The following DENND1A variants were observed in gnomAD, a reference collection of about 807,000 sequenced individuals.
DENND1A encodes DENN domain-containing protein 1A.
DENND1A carries 51 observed loss-of-function variants against 113.7 expected under a neutral mutation model. The ratio of observed to expected loss-of-function variants is 0.45; its 90% CI spans 0.36 to 0.57. DENND1A has a LOEUF of 0.57. Among genes scored for constraint, DENND1A ranks in the 20% least tolerant of loss-of-function variants. The pLI is 0.00. For synonymous variants in DENND1A, 565 were observed against 570.8 expected, an observed-to-expected ratio of 0.99 and a Z score of 0.14; for missense variants, 1,258 against 1,395.9, an observed-to-expected ratio of 0.90 and a Z score of 1.57.
At chr9:123,849,095 T>A (rs1306790122) in intron 2 of DENND1A, among the ~76,000 whole-genome samples, 1 of 152,220 alleles carries the variant, frequency 6.6e-6, no homozygotes, top group Admixed American at 6.5e-5. Flanking sequence ...AGATCATTGA[T>A]AAAGGTGGCT....
chr9:123,521,886 G>C (rs1402261711), intron 13 of DENND1A, among the ~76,000 whole-genome samples: 1 of 152,202 alleles, frequency 6.6e-6, no homozygotes, highest in Admixed American at 6.5e-5. Context: ...ACTGCCCAGT[G>C]AATCTGTGTA....
chr9:123,450,211 C>T (rs1030399159), intron 18 of DENND1A, among the ~76,000 whole-genome samples: 10 of 152,246 alleles, frequency 6.6e-5, no homozygotes, highest in African/African-American at 1.9e-4. Flanking sequence ...TCCCCCAGGG[C>T]GAGGTAAGCC....
intron 20 of DENND1A, among the ~76,000 whole-genome samples, chr9:123,410,701 T>G (rs2044237900): frequency 1.3e-5 from 2 of 152,186 alleles, no homozygotes. Flanking sequence ...CCTGGTCACC[T>G]GCAGGCCCCG....
chr9:123,464,632 A>T (rs2048787496), intron 13 of DENND1A, among the ~76,000 whole-genome samples: 1 of 152,152 alleles, frequency 6.6e-6, no homozygotes, highest in East Asian at 1.9e-4. Flanking sequence ...TCGCCAGACA[A>T]AAAAACTTCT....
Position 123,380,794 on chromosome 9 carries a change from G to A in DENND1A, c.*638C>T, listed in dbSNP as rs2042235156. The A allele has an allele frequency of 6.5e-6, 1 of 152,822 alleles. No homozygotes were observed. Among genetic ancestry groups the A allele is most frequent in the Admixed American group, 6.5e-5 (1 of 15,308 alleles). The allele number at this position is 152,822 out of a possible 1,614,324, so 9.5% of individuals were successfully genotyped here. A position where few individuals can be genotyped will look rare whatever the true frequency, so the allele number is the denominator to read the frequency against. On this transcript the variant is annotated 3_prime_UTR_variant, in exon 24 of 24. Coordinates refer to ENST00000394215, the MANE Select transcript of DENND1A (RefSeq NM_001352964.2). ...GGCTGTGTATCACAAGGCAGCCCAAGACCCCCTGGTCCCCAGATCCTCCCA... is the reference window on the plus strand; with the variant it reads ...GGCTGTGTATCACAAGGCAGCCCAAAACCCCCTGGTCCCCAGATCCTCCCA...
intron 2 of DENND1A, among the ~76,000 whole-genome samples, chr9:123,816,127 A>G (rs1313447980): frequency 6.6e-6 from 1 of 150,530 alleles, no homozygotes; most frequent in African/African-American, 2.5e-5. Flanking sequence ...TAGCCTCCTG[A>G]GTAGCTGGGG....
intron 13 of DENND1A, among the ~76,000 whole-genome samples, chr9:123,494,683 T>C: frequency 6.6e-6 from 1 of 152,236 alleles, no homozygotes; most frequent in South Asian, 2.1e-4. Flanking sequence ...AAGTGCCTAC[T>C]CTGCCTAGAA....
chr9:123,508,506 C>A (rs1445745996), intron 13 of DENND1A, among the ~76,000 whole-genome samples: 1 of 152,146 alleles, frequency 6.6e-6, no homozygotes, highest in Non-Finnish European at 1.5e-5. Context: ...TGATGATAAT[C>A]ACTTTTCTTT....
chr9:123,615,656 G>A (rs1017753191), intron 10 of DENND1A, among the ~76,000 whole-genome samples: 1 of 152,154 alleles, frequency 6.6e-6, no homozygotes, highest in Non-Finnish European at 1.5e-5. Flanking sequence ...CTCTCAGATT[G>A]CCCAGTGGTG....
chr9:123,404,491 G>T (rs1185436647), intron 20 of DENND1A, among the ~76,000 whole-genome samples: 1 of 152,232 alleles, frequency 6.6e-6, no homozygotes, highest in African/African-American at 2.4e-5. Context: ...TCCACGGATG[G>T]GATGCCACAA....
intron 19 of DENND1A, among the ~76,000 whole-genome samples, chr9:123,419,518 C>T (rs998546533): frequency 6.6e-6 from 1 of 152,208 alleles, no homozygotes; most frequent in Non-Finnish European, 1.5e-5. Flanking sequence ...GGAGAGTGTT[C>T]ACCTGGTTAA....
intron 6 of DENND1A, among the ~76,000 whole-genome samples, chr9:123,671,666 C>T (rs2063771154): frequency 6.6e-6 from 1 of 152,116 alleles, no homozygotes; most frequent in African/African-American, 2.4e-5. Context: ...ATCCCCTAAA[C>T]TCCATAGCAA....
chr9:123,677,449 T>C (rs754787915), intron 5 of DENND1A, among the ~76,000 whole-genome samples: 10 of 152,140 alleles, frequency 6.6e-5, no homozygotes, highest in Non-Finnish European at 1.5e-4. Flanking sequence ...GTTTGTTTGT[T>C]TTGAGATGGA....
Position 123,756,365 on chromosome 9 carries a change from A to T in DENND1A, c.302+1338T>A, listed in dbSNP as rs2070547587. Among the ~76,000 whole-genome samples the T allele has an allele frequency of 2.0e-5, 3 of 152,122 alleles. No individual in the cohort carries two copies. The South Asian group carries it at 6.2e-4, about 31-fold the overall frequency. ...TATAACAGACAAAACTGAAAGAGAAATTTTTCTTTAAAAAGAAAAAGACTG... is the reference window on the plus strand; with the variant it reads ...TATAACAGACAAAACTGAAAGAGAATTTTTTCTTTAAAAAGAAAAAGACTG... On this transcript the variant is annotated intron_variant, in intron 5 of 23. Transcript: ENST00000394215.
At chr9:123,616,936 G>A (rs751606949) in intron 10 of DENND1A, among the ~76,000 whole-genome samples, 1 of 152,254 alleles carries the variant, frequency 6.6e-6, no homozygotes, top group Non-Finnish European at 1.5e-5. Flanking sequence ...TGCGCAAACC[G>A]CTACAAGGAG....
intron 2 of DENND1A, among the ~76,000 whole-genome samples, chr9:123,824,952 T>TA (rs1180731352): frequency 6.6e-6 from 1 of 152,176 alleles, no homozygotes; most frequent in Non-Finnish European, 1.5e-5. Flanking sequence ...AAGTTCATTT[T>TA]AAAATATGTC....
At chr9:123,682,509 C>T (rs1007954584) in intron 5 of DENND1A, among the ~76,000 whole-genome samples, 24 of 152,100 alleles carry the variant, frequency 1.6e-4, no homozygotes, top group African/African-American at 5.6e-4. Context: ...AATGGCAAAG[C>T]ATCCCTTGGT....
At chr9:123,738,586 G>A (rs2068752764) in intron 5 of DENND1A, among the ~76,000 whole-genome samples, 1 of 151,876 alleles carries the variant, frequency 6.6e-6, no homozygotes, top group African/African-American at 2.4e-5. Flanking sequence ...GCTATGTAAA[G>A]CTCCAAAAGC....
intron 19 of DENND1A, among the ~76,000 whole-genome samples, chr9:123,419,141 C>T (rs987550929): frequency 6.6e-6 from 1 of 152,230 alleles, no homozygotes; most frequent in Admixed American, 6.5e-5. Flanking sequence ...ATGCTGGAGG[C>T]CACAGGGACC....
Sources: allele counts gnomAD v4.1 joint callset (sites outside exome capture counted in the v4.1 genomes callset), GRCh38; gene constraint gnomAD v4.1.1; transcripts MANE v1.5; gene names NCBI Gene and HGNC (gene_info 2026-07-23, HGNC 2026-07-21).